Variants in MACROD2 observed in about 807,000 individuals in gnomAD.
The protein encoded by MACROD2 is ADP-ribose glycohydrolase MACROD2.
In MACROD2, 36 loss-of-function variants were observed where a neutral mutation model predicts 70.4. That is an observed-to-expected ratio of 0.51 (90% CI 0.39 to 0.68). The LOEUF (loss-of-function observed/expected upper bound fraction) is 0.68. Ranked by LOEUF, MACROD2 falls within the 30% of genes least tolerant of loss-of-function variation. The pLI is 0.00. For synonymous variants in MACROD2, 172 were observed against 178.8 expected (o/e 0.96, Z 0.30); for missense variants, 496 against 538.4 (o/e 0.92, Z 0.78).
intron 10 of MACROD2, among the ~76,000 whole-genome samples, chr20:15,889,863 A>G (rs1260484787): frequency 2.6e-5 from 4 of 152,116 alleles, no homozygotes; most frequent in African/African-American, 9.7e-5. Flanking sequence ...CCTCTGCCAG[A>G]CACAGGGCAA....
chr20:16,012,957 G>T (rs1015982342), intron 15 of MACROD2, among the ~76,000 whole-genome samples: 5 of 152,222 alleles, frequency 3.3e-5, no homozygotes, highest in African/African-American at 7.2e-5. Context: ...TGAAGCGGAT[G>T]GATCACGAGG....
intron 4 of MACROD2, among the ~76,000 whole-genome samples, chr20:14,539,751 C>T (rs1322823442): frequency 6.6e-6 from 1 of 152,180 alleles, no homozygotes; most frequent in East Asian, 1.9e-4. Context: ...AATGTATAGA[C>T]AATTTACTTT....
chr20:15,042,011 G>T (rs1185597847), intron 5 of MACROD2, among the ~76,000 whole-genome samples: 1 of 152,174 alleles, frequency 6.6e-6, no homozygotes, highest in African/African-American at 2.4e-5. Context: ...AAGCCATTCA[G>T]GGACAAGAAG....
At chr20:14,003,697 TG>T in intron 2 of MACROD2, 2 of 482,240 alleles carry the variant, frequency 4.1e-6, no homozygotes, top group Admixed American at 4.6e-5. Context: ...GTCCCCACAG[TG>T]TAACAGGGTC....
Position 14,862,172 on chromosome 20 carries a change from T to TAA in MACROD2, c.418+177214_418+177215insAA, listed in dbSNP as rs1568839339. 1.4e-3 allele frequency among the ~76,000 whole-genome samples: 9 copies of TAA among 6,214 alleles called. 1 individual carries two copies. Among genetic ancestry groups the TAA allele is most frequent in the African/African-American group, 7.2e-3 (8 of 1,112 alleles). The allele number at this position is 6,214 out of a possible 152,430, so 4.1% of individuals were successfully genotyped here. On this transcript the variant is annotated intron_variant, in intron 5 of 17. Transcript: ENST00000684519. ...ACATAAATATATAAATATATATAAA[T>TAA]ATATATAAATATATATTTATACATA...
Position 15,955,701 on chromosome 20 carries a change from A to C in MACROD2, c.908-11852A>C, listed in dbSNP as rs61595016. ...TGAGAACTACATATTAGTAGTTTTA[A>C]ATTTTCAAAAAGGCACACTAAGAAA... On this transcript the variant is annotated intron_variant, in intron 12 of 17. Transcript: ENST00000684519. Among the ~76,000 whole-genome samples, 1,495 of 152,310 alleles carry C rather than the reference A, an allele frequency of 9.8e-3. 12 individuals carry two copies. The highest frequency in any genetic ancestry group is 0.029 in the African/African-American group (1,197 of 41,560).
intron 8 of MACROD2, among the ~76,000 whole-genome samples, chr20:15,720,119 T>A (rs2050766982): frequency 6.6e-6 from 1 of 152,196 alleles, no homozygotes; most frequent in Non-Finnish European, 1.5e-5. Context: ...TTGTCAAAAA[T>A]GACAGAATTT....
At chr20:15,927,348 G>T (rs2065506198) in intron 10 of MACROD2, among the ~76,000 whole-genome samples, 1 of 152,140 alleles carries the variant, frequency 6.6e-6, no homozygotes. Context: ...TCTGCAGAGG[G>T]CTTATGGCTT....
chr20:16,007,757 A>G (rs1041842299), intron 15 of MACROD2, among the ~76,000 whole-genome samples: 2 of 152,072 alleles, frequency 1.3e-5, no homozygotes, highest in Non-Finnish European at 2.9e-5. Context: ...CTAACTTGTG[A>G]CCCAGCATCC....
intron 5 of MACROD2, among the ~76,000 whole-genome samples, chr20:14,692,988 G>A (rs1018709497): frequency 2.6e-5 from 4 of 152,186 alleles, no homozygotes; most frequent in South Asian, 4.1e-4. Flanking sequence ...CTGGCTGAGT[G>A]TAGAATTAAA....
At chr20:14,682,588 A>T (rs1475825801) in intron 4 of MACROD2, among the ~76,000 whole-genome samples, 1 of 152,032 alleles carries the variant, frequency 6.6e-6, no homozygotes, top group East Asian at 1.9e-4. Context: ...TCACTGAGAA[A>T]TCTTTTCATT....
intron 6 of MACROD2, among the ~76,000 whole-genome samples, chr20:15,387,294 A>G (rs1469356055): frequency 6.6e-6 from 1 of 152,068 alleles, no homozygotes; most frequent in African/African-American, 2.4e-5. Flanking sequence ...CCTAGGTTTA[A>G]TCATATATTC....
intron 8 of MACROD2, among the ~76,000 whole-genome samples, chr20:15,629,965 G>A (rs2049264313): frequency 6.6e-6 from 1 of 152,172 alleles, no homozygotes; most frequent in Non-Finnish European, 1.5e-5. Flanking sequence ...AAAATCTCCT[G>A]CTCTCTGCCC....
chr20:14,952,304 T>C (rs1029262017), intron 5 of MACROD2, among the ~76,000 whole-genome samples: 11 of 152,160 alleles, frequency 7.2e-5, no homozygotes, highest in African/African-American at 2.7e-4. Flanking sequence ...GTGTAAAGAA[T>C]GTGGGTATAA....
At chr20:14,298,159 A>G (rs777265070) in intron 3 of MACROD2, among the ~76,000 whole-genome samples, 32 of 151,952 alleles carry the variant, frequency 2.1e-4, no homozygotes, top group Non-Finnish European at 3.8e-4. Flanking sequence ...CTAGTCACCC[A>G]AGAACTTTGA....
At chr20:15,981,389 T>TTTGTTG (rs566185052) in intron 13 of MACROD2, among the ~76,000 whole-genome samples, 3 of 152,084 alleles carry the variant, frequency 2.0e-5, no homozygotes, top group Non-Finnish European at 2.9e-5. Context: ...TTTTCCTGTT[T>TTTGTTG]TTGTTGTTGT....
At chr20:15,237,084 T>C (rs73262733) in intron 6 of MACROD2, among the ~76,000 whole-genome samples, 4,431 of 152,280 alleles carry the variant, frequency 0.029, 130 homozygotes, top group Middle Eastern at 0.071. Flanking sequence ...CAAGCCCACA[T>C]GGGAAAACTG....
At chr20:14,213,527 C>T (rs188865100) in intron 3 of MACROD2, among the ~76,000 whole-genome samples, 184 of 151,348 alleles carry the variant, frequency 1.2e-3, no homozygotes, top group Non-Finnish European at 2.0e-3. Flanking sequence ...CAAATTTAAA[C>T]CCAAGCATAG....
At chr20:15,231,851 A>G (rs771091982) in intron 6 of MACROD2, among the ~76,000 whole-genome samples, 1 of 152,024 alleles carries the variant, frequency 6.6e-6, no homozygotes, top group African/African-American at 2.4e-5. Context: ...TGAAGGGCCA[A>G]TTACATATTA....
Sources: gnomAD v4.1 joint callset for allele counts (sites outside exome capture counted in the v4.1 genomes callset) on GRCh38, gnomAD v4.1.1 for gene constraint, MANE v1.5 for transcripts, NCBI Gene and HGNC (gene_info 2026-07-23, HGNC 2026-07-21) for gene names.